ADGRG1: variants seen among roughly 807,000 people sequenced by gnomAD.
ADGRG1 encodes adhesion G protein-coupled receptor G1, also known as 7-transmembrane protein with no EGF-like N-terminal domains-1.
ADGRG1 carries 53 observed loss-of-function variants against 73.5 expected under a neutral mutation model. The observed-to-expected ratio is 0.72, with a 90% CI of 0.58 to 0.91. ADGRG1 has a LOEUF of 0.91. Ranked by LOEUF, ADGRG1 falls within the 40% of genes least tolerant of loss-of-function variation. The probability of loss-of-function intolerance (pLI) is 0.00; values close to 1 mark genes in which losing one functional copy is unlikely to be tolerated. For synonymous variants in ADGRG1, 394 were observed against 374.4 expected, an observed-to-expected ratio of 1.05 and a Z score of -0.60; for missense variants, 795 against 871.8, an observed-to-expected ratio of 0.91 and a Z score of 1.11.
rs2046529831 is a variant in ADGRG1, at chr16:57,659,426, G to T, written c.1300G>T (p.Asp434Tyr). ...CCTGCCGTGCAGGAGGAAACCTCGGGACTACACCATCAAGGTGCACATGAA... is the reference window on the plus strand; with the variant it reads ...CCTGCCGTGCAGGAGGAAACCTCGGTACTACACCATCAAGGTGCACATGAA... The part of the protein sequence containing the change: ...AYLCSRRKPR[D>Y]YTIKVHMNLL... Residue 434 changes from aspartate (D) to tyrosine (Y), a missense_variant, in exon 11 of 14, where the codon GAC (aspartate) becomes TAC (tyrosine). Transcript: ENST00000562631. 1.2e-6 allele frequency: 2 copies of T among 1,613,760 alleles called. No homozygotes were observed. Among genetic ancestry groups the T allele is most frequent in the South Asian group, 1.1e-5 (1 of 91,076 alleles).
At chr16:57,648,460 A>G in intron 1 of ADGRG1, 1 of 980,060 alleles carries the variant, frequency 1.0e-6, no homozygotes, top group Non-Finnish European at 1.2e-6. Context: ...CTGAACTGAC[A>G]AGGCCTGAGA....
Position 57,659,654 on chromosome 16 carries a change from C to T in ADGRG1, c.1528C>T (p.Leu510=), listed in dbSNP as rs1271105168. The change falls in exon 11 of 14, where the codon CTA becomes TTA. Residue 510 remains leucine, a synonymous_variant. Transcript: ENST00000562631. The stretch of plus-strand genomic sequence containing the variant: ...CTTTGGCACCTATGTCCCTGGCTAC[C>T]TACTCAAGCTGAGCGCCATGGGCTG... The part of the protein sequence containing the change: ...EVFGTYVPGY[L]LKLSAMGWGF... 9 of 1,613,854 alleles carry T rather than the reference C, an allele frequency of 5.6e-6. No individual in the cohort carries two copies. The highest frequency in any genetic ancestry group is 7.6e-6 in the Non-Finnish European group (9 of 1,180,016).
intron 8 of ADGRG1, 110 bp downstream of exon 8, chr16:57,656,381 C>A: frequency 6.2e-7 from 1 of 1,610,406 alleles, no homozygotes; most frequent in Non-Finnish European, 8.5e-7. Flanking sequence ...GAAAGGAGGA[C>A]TTTGAAGAGA....
intron 1 of ADGRG1, chr16:57,639,430 C>T (rs1041930431): frequency 4.5e-5 from 44 of 985,362 alleles, no homozygotes; most frequent in Admixed American, 1.2e-4. Flanking sequence ...CCCCTTCTCC[C>T]GCGCTGGCGG....
At position 57,646,513 on chromosome 16, in the gene ADGRG1, C is replaced by T. The variant is rs188881034; in HGVS notation, c.-35-3740C>T. 5.0e-3 allele frequency: 4,884 copies of T among 985,358 alleles called. 12 individuals are homozygous for T. The highest frequency in any genetic ancestry group is 7.3e-3 in the Middle Eastern group (14 of 1,914). The allele number at this position is 985,358 out of a possible 1,614,324, so 61.0% of individuals were successfully genotyped here. ...TTTACGGAAGGTCTGAGGTCAAGGG[C>T]GGCTGCTCTGGAAGCTGGGGGTTGT... On this transcript the variant is annotated intron_variant, in intron 1 of 13. Transcript: ENST00000562631.
intron 1 of ADGRG1, chr16:57,630,150 T>A: frequency 2.0e-6 from 1 of 488,590 alleles, no homozygotes; most frequent in Non-Finnish European, 2.7e-6. Flanking sequence ...AACTCGTGAG[T>A]GGCCCAGACC....
At chr16:57,637,239 C>A in intron 1 of ADGRG1, 1 of 862,416 alleles carries the variant, frequency 1.2e-6, no homozygotes, top group Non-Finnish European at 1.4e-6. Context: ...CATTTCAGTC[C>A]CCGCCCCGAC....
chr16:57,642,290 C>T (rs1226920182), intron 1 of ADGRG1: 11 of 985,138 alleles, frequency 1.1e-5, no homozygotes, highest in African/African-American at 1.7e-5. Flanking sequence ...CCTGAATATA[C>T]CCCAGGCTCA....
At chr16:57,642,228 G>A (rs1420810829) in intron 1 of ADGRG1, 1 of 985,312 alleles carries the variant, frequency 1.0e-6, no homozygotes, top group Non-Finnish European at 1.2e-6. Context: ...AGGCCTGGCA[G>A]TGCCCTTTTC....
chr16:57,659,707 C>T, intron 11 of ADGRG1, 26 bp downstream of exon 11: 1 of 1,612,366 alleles, frequency 6.2e-7, no homozygotes. Flanking sequence ...GGGGGTGCCT[C>T]AGACCTGCCT....
In ADGRG1 at chr16:57,637,456, G is replaced by T. The variant is rs116123063; in HGVS notation, c.-36+8654G>T. 9.2e-4 allele frequency: 906 copies of T among 985,318 alleles called. 7 individuals carry two copies. The African/African-American group carries it at 0.015, about 16-fold the overall frequency. The allele number at this position is 985,318 out of a possible 1,614,324, so 61.0% of individuals were successfully genotyped here. On this transcript the variant is annotated intron_variant, in intron 1 of 13. Coordinates refer to ENST00000562631, the MANE Select transcript of ADGRG1 (RefSeq NM_201525.4). ...GTATGTAAAAGGCGTGGTGTGCCTC[G>T]TCTGTACCTCCCCCCAGGTCCCCTG...
chr16:57,629,061 A>ACT (rs2036960093), intron 1 of ADGRG1: 1 of 503,700 alleles, frequency 2.0e-6, no homozygotes, highest in Non-Finnish European at 2.6e-6. Flanking sequence ...TGTGAGTATG[A>ACT]GTGTGAGTGT....
At chr16:57,650,004 C>T (rs1369430505) in intron 1 of ADGRG1, 1 of 294,516 alleles carries the variant, frequency 3.4e-6, no homozygotes. Flanking sequence ...GTCTGAATTC[C>T]TGTGCTCAAG....
chr16:57,646,294 C>T (rs539454787), intron 1 of ADGRG1: 6 of 768,980 alleles, frequency 7.8e-6, no homozygotes, highest in South Asian at 6.1e-5. Context: ...CACTGCCCAC[C>T]GTGCAGAGGG....
intron 10 of ADGRG1, chr16:57,659,044 A>C (rs900591446): frequency 1.2e-5 from 12 of 985,150 alleles, no homozygotes; most frequent in Non-Finnish European, 1.2e-6. Flanking sequence ...AGTTGTGCAG[A>C]CAGACGGGAA....
upstream of ADGRG1, chr16:57,625,593 G>C (rs772376713): frequency 5.1e-6 from 5 of 981,166 alleles, no homozygotes; most frequent in African/African-American, 8.7e-5. Context: ...AGTCCCTGGC[G>C]TCTAGACCAG....
rs786204777 is a variant in ADGRG1 at position 57,650,297 on chromosome 16, C to T, written c.10C>T (p.Gln4Ter). The T allele has an allele frequency of 6.2e-7, 1 of 1,613,660 alleles. No individual in the cohort carries two copies. The highest frequency in any genetic ancestry group is 8.5e-7 in the Non-Finnish European group (1 of 1,179,538). ...ACTCCGTCGGAGGAAAATGACTCCC[C>T]AGTCGCTGCTGCAGACGACACTGTT... MTP[Q>*]SLLQTTLFLL... Residue 4 changes from glutamine (Q) to a stop codon, truncating the protein, a stop_gained, in exon 2 of 14, where the codon CAG (glutamine) becomes TAG (stop). Coordinates refer to ENST00000562631, the MANE Select transcript of ADGRG1 (RefSeq NM_201525.4). LOFTEE classifies it high-confidence loss of function.
At chr16:57,636,277 G>C in intron 1 of ADGRG1, 7 of 985,382 alleles carry the variant, frequency 7.1e-6, no homozygotes, top group Non-Finnish European at 8.4e-6. Flanking sequence ...CACAGATTCA[G>C]ATGGAATCTC....
intron 1 of ADGRG1, chr16:57,629,926 G>T: frequency 1.3e-6 from 1 of 777,850 alleles, no homozygotes; most frequent in Non-Finnish European, 1.6e-6. Context: ...ATTTTACTGC[G>T]TAGGGAGGAG....
Sources: allele counts gnomAD v4.1 joint callset, GRCh38; gene constraint gnomAD v4.1.1; transcripts MANE v1.5; gene names NCBI Gene and HGNC (gene_info 2026-07-23, HGNC 2026-07-21).